The following TBC1D22A variants were observed in gnomAD, a reference collection of about 807,000 sequenced individuals.
The protein encoded by TBC1D22A is TBC1 domain family member 22A, also known as putative GTPase activator.
Under a neutral mutation model 60.2 loss-of-function variants are expected in TBC1D22A, and 38 were observed. The ratio of observed to expected loss-of-function variants is 0.63; its 90% confidence interval spans 0.49 to 0.83. The LOEUF (loss-of-function observed/expected upper bound fraction) is 0.83, where lower values mean the gene tolerates loss of function less well. Ranked by LOEUF, TBC1D22A falls within the 40% of genes least tolerant of loss-of-function variation. TBC1D22A has a pLI of 0.00. For synonymous variants in TBC1D22A, 302 were observed against 281.7 expected, an observed-to-expected ratio of 1.07 and a Z score of -0.72; for missense variants, 628 against 701.0, an observed-to-expected ratio of 0.90 and a Z score of 1.18.
At chr22:46,872,094 A>G (rs1193563002) in intron 4 of TBC1D22A, among the ~76,000 whole-genome samples, 1 of 152,200 alleles carries the variant, frequency 6.6e-6, no homozygotes, top group Non-Finnish European at 1.5e-5. Context: ...TTAAACTAAT[A>G]CAAGAAGAAA....
At chr22:47,145,506 G>A (rs963077454) in intron 12 of TBC1D22A, among the ~76,000 whole-genome samples, 2 of 152,210 alleles carry the variant, frequency 1.3e-5, no homozygotes, top group African/African-American at 4.8e-5. Context: ...TAGCCTGAAA[G>A]ATTGAATTGC....
chr22:47,050,576 C>T (rs118065929), intron 11 of TBC1D22A, among the ~76,000 whole-genome samples: 3,381 of 152,276 alleles, frequency 0.022, 49 homozygotes, highest in Non-Finnish European at 0.031. Context: ...TGCTTGGGAC[C>T]GCGTGTGAGG....
chr22:46,842,988 C>A (rs1026218880), intron 4 of TBC1D22A, among the ~76,000 whole-genome samples: 1 of 152,128 alleles, frequency 6.6e-6, no homozygotes, highest in Non-Finnish European at 1.5e-5. Context: ...CCTGATGTAC[C>A]CTGGGACTTG....
At chr22:46,904,142 T>TACCTAC (rs2069247452) in intron 7 of TBC1D22A, among the ~76,000 whole-genome samples, 196 of 134,554 alleles carry the variant, frequency 1.5e-3, no homozygotes, top group African/African-American at 5.4e-3. Flanking sequence ...TATCTATCTA[T>TACCTAC]CTACCTACCT....
chr22:47,092,441 C>G (rs1290624289), intron 11 of TBC1D22A, among the ~76,000 whole-genome samples: 1 of 152,120 alleles, frequency 6.6e-6, no homozygotes. Flanking sequence ...GAATGAGTCC[C>G]AGGAGAGAGT....
chr22:46,944,690 G>A (rs1039126005), intron 8 of TBC1D22A, among the ~76,000 whole-genome samples: 10 of 152,194 alleles, frequency 6.6e-5, no homozygotes, highest in Admixed American at 1.3e-4. Context: ...GAGCCACCGT[G>A]CCCAGCCTGT....
At chr22:47,109,004 TAA>T (rs920687195) in intron 11 of TBC1D22A, among the ~76,000 whole-genome samples, 3 of 152,152 alleles carry the variant, frequency 2.0e-5, no homozygotes, top group Non-Finnish European at 4.4e-5. Context: ...CTGAAATATA[TAA>T]AGTTTATCGT....
At chr22:47,099,886 G>T (rs1288291189) in intron 11 of TBC1D22A, among the ~76,000 whole-genome samples, 1 of 152,188 alleles carries the variant, frequency 6.6e-6, no homozygotes, top group Non-Finnish European at 1.5e-5. Context: ...ATAGAGAGAG[G>T]TGCAACGTGC....
At chr22:47,078,263 C>G (rs1341716812) in intron 11 of TBC1D22A, among the ~76,000 whole-genome samples, 1 of 152,294 alleles carries the variant, frequency 6.6e-6, no homozygotes, top group Middle Eastern at 3.4e-3. Flanking sequence ...CACTTCTCTT[C>G]CCTCTGCCCT....
In TBC1D22A at chr22:46,920,668, T is replaced by G. The variant is rs186106641; in HGVS notation, c.1015+8480T>G. 1.3e-4 allele frequency among the ~76,000 whole-genome samples: 20 copies of G among 152,312 alleles called. No individual in the cohort carries two copies. In the East Asian group the frequency reaches 3.9e-3, roughly 29 times the overall value. On this transcript the variant is annotated intron_variant, in intron 8 of 12. Transcript: ENST00000337137. ...ATTAGAGAAACTCTGTTGAATTGGA[T>G]CCCTACAGAAAGTTTTTGTGTTTAT...
Position 47,173,502 on chromosome 22 carries a change from T to G in TBC1D22A, c.1430T>G (p.Leu477Arg). The G allele has an allele frequency of 6.2e-7, 1 of 1,614,018 alleles. No individual in the cohort carries two copies. The highest frequency in any genetic ancestry group is 8.5e-7 in the Non-Finnish European group (1 of 1,179,936). Residue 477 changes from leucine (L) to arginine (R), a missense_variant, in exon 13 of 13, where the codon CTG becomes CGG. Leu to Arg is a moderately radical substitution (Grantham distance 102, BLOSUM62 -2). Coordinates refer to ENST00000337137, the MANE Select transcript of TBC1D22A (RefSeq NM_014346.5). ...GGCTTGTCTCTTTCTCCCCAGGAGC[T>G]GCTGCTCTTCCTCCAGAACCTGCCC... ...EILEEKDFQELLLFLQNLPTA... is the reference protein window; with the variant it reads ...EILEEKDFQERLLFLQNLPTA...
At chr22:46,986,700 T>G (rs2074736242) in intron 9 of TBC1D22A, among the ~76,000 whole-genome samples, 1 of 138,802 alleles carries the variant, frequency 7.2e-6, no homozygotes, top group Non-Finnish European at 1.6e-5. Context: ...CAATTTTGGA[T>G]TGATATGCTA....
intron 12 of TBC1D22A, among the ~76,000 whole-genome samples, chr22:47,169,600 C>G (rs367771914): frequency 2.6e-4 from 39 of 152,312 alleles, no homozygotes; most frequent in African/African-American, 8.4e-4. Context: ...CTTGCAGACA[C>G]TCGGTGTCCA....
At chr22:47,035,486 T>A (rs2062625235) in intron 10 of TBC1D22A, among the ~76,000 whole-genome samples, 2 of 152,176 alleles carry the variant, frequency 1.3e-5, no homozygotes, top group Admixed American at 1.3e-4. Context: ...AATTAATTAT[T>A]CACTGTCGTG....
At chr22:47,023,855 G>A (rs985913315) in intron 10 of TBC1D22A, among the ~76,000 whole-genome samples, 1 of 152,242 alleles carries the variant, frequency 6.6e-6, no homozygotes, top group African/African-American at 2.4e-5. Flanking sequence ...AAACTTGCAG[G>A]TGGAAGGAAT....
At chr22:46,831,229 G>A (rs899426476) in intron 4 of TBC1D22A, among the ~76,000 whole-genome samples, 2 of 152,176 alleles carry the variant, frequency 1.3e-5, no homozygotes, top group African/African-American at 4.8e-5. Context: ...GGATGCTGAC[G>A]TGGAGGACCT....
chr22:47,154,792 C>T (rs972288525), intron 12 of TBC1D22A, among the ~76,000 whole-genome samples: 2 of 152,218 alleles, frequency 1.3e-5, no homozygotes, highest in Non-Finnish European at 2.9e-5. Context: ...CCACTCTCAG[C>T]GGCCCCCTCC....
chr22:47,169,612 T>G (rs1404217801), intron 12 of TBC1D22A, among the ~76,000 whole-genome samples: 1 of 152,156 alleles, frequency 6.6e-6, no homozygotes, highest in Admixed American at 6.5e-5. Flanking sequence ...CGGTGTCCAC[T>G]GGAAGGATTC....
chr22:46,817,943 T>G (rs2085673020), intron 4 of TBC1D22A, among the ~76,000 whole-genome samples: 1 of 152,218 alleles, frequency 6.6e-6, no homozygotes, highest in African/African-American at 2.4e-5. Context: ...TTTTAATAAT[T>G]GCTATTCTGG....
Sources: gnomAD v4.1 joint callset for allele counts (sites outside exome capture counted in the v4.1 genomes callset) on GRCh38, gnomAD v4.1.1 for gene constraint, MANE v1.5 for transcripts, NCBI Gene and HGNC (gene_info 2026-07-23, HGNC 2026-07-21) for gene names.